Variants in NDUFA10 observed in about 807,000 individuals in gnomAD.
NDUFA10 encodes NADH dehydrogenase [ubiquinone] 1 alpha subcomplex subunit 10, mitochondrial.
NDUFA10 carries 40 observed loss-of-function variants against 47.8 expected under a neutral mutation model. That is an observed-to-expected ratio of 0.84 (90% CI 0.65 to 1.09). The LOEUF (loss-of-function observed/expected upper bound fraction) is 1.09. Ranked by LOEUF, NDUFA10 falls within the 50% of genes least tolerant of loss-of-function variation. NDUFA10 has a pLI of 0.00. For missense variants in NDUFA10, 413 were observed against 451.1 expected (o/e 0.92, Z 0.76); for synonymous variants, 183 against 172.2 (o/e 1.06, Z -0.49).
In NDUFA10 at chr2:240,022,201, T is replaced by A. The variant is rs863224080; in HGVS notation, c.215A>T (p.Lys72Ile). 2 of 1,613,930 alleles carry A rather than the reference T, an allele frequency of 1.2e-6. No individual in the cohort carries two copies. Among genetic ancestry groups the A allele is most frequent in the Non-Finnish European group, 1.7e-6 (2 of 1,179,796 alleles). Residue 72 changes from lysine to isoleucine, a missense_variant, in exon 2 of 10, where the codon AAA (lysine) becomes ATA (isoleucine). Coordinates refer to ENST00000252711, the MANE Select transcript of NDUFA10 (RefSeq NM_004544.4). ...VDGNICTGKGKLAKEIAEKLG... is the reference protein window; with the variant it reads ...VDGNICTGKGILAKEIAEKLG... ...TTTCTCTGCTATTTCTTTTGCAAGT[T>A]TGCCTTTTCCAGTACATATATTGCC...
Position 239,983,721 on chromosome 2 carries a change from G to A in NDUFA10, c.999+6353C>T, listed in dbSNP as rs1245555442. 5 of 1,562,288 alleles carry A rather than the reference G, an allele frequency of 3.2e-6. No homozygotes were observed. The East Asian group carries it at 1.2e-4, about 37-fold the overall frequency. On this transcript the variant is annotated intron_variant, in intron 9 of 9. Coordinates refer to ENST00000252711, the MANE Select transcript of NDUFA10 (RefSeq NM_004544.4). Reference sequence around the variant, plus strand: ...AACACACAGTCCAATCTAATCGCTAGAGAAACATCGGGCAACCCTCAACTG... The same window carrying A: ...AACACACAGTCCAATCTAATCGCTAAAGAAACATCGGGCAACCCTCAACTG...
chr2:239,959,279 C>A lies in NDUFA10; in HGVS notation c.*1839G>T, dbSNP rs1219409722. The stretch of plus-strand genomic sequence containing the variant: ...CATGGTTGGAGAGCTCTGCCCCTCA[C>A]AAGGGCAATCCTGACCACAGGGCAG... On this transcript the variant is annotated 3_prime_UTR_variant, in exon 10 of 10. Transcript: ENST00000252711. 5.2e-5 allele frequency: 51 copies of A among 985,358 alleles called. No homozygotes were observed. Among genetic ancestry groups the A allele is most frequent in the Non-Finnish European group, 5.9e-5 (49 of 829,960 alleles). 61.0% of individuals were successfully genotyped at this position (985,358 alleles called of 1,614,324 possible).
At chr2:239,962,837 G>T in intron 9 of NDUFA10, among the ~76,000 whole-genome samples, 1 of 152,148 alleles carries the variant, frequency 6.6e-6, no homozygotes, top group East Asian at 1.9e-4. Flanking sequence ...GCGGGTAGGG[G>T]GTGGGAGCTG....
chr2:239,902,551 T>C (rs1233392910), intron 4 of NDUFA10, among the ~76,000 whole-genome samples: 1 of 152,232 alleles, frequency 6.6e-6, no homozygotes, highest in Admixed American at 6.5e-5. Flanking sequence ...ACTTACTTTT[T>C]TGCAATATTC....
chr2:239,989,938 A>T (rs1463499686), intron 9 of NDUFA10, 136 bp downstream of exon 9: 1 of 721,448 alleles, frequency 1.4e-6, no homozygotes, highest in Non-Finnish European at 2.5e-6. Context: ...AATTATTTCA[A>T]TGAAAAAGAG....
At chr2:240,007,586 G>C (rs143923854) in intron 6 of NDUFA10, among the ~76,000 whole-genome samples, 35 of 152,294 alleles carry the variant, frequency 2.3e-4, no homozygotes, top group Admixed American at 2.0e-3. Context: ...GCTTGACAGT[G>C]ACAACAGCAG....
intron 9 of NDUFA10, among the ~76,000 whole-genome samples, chr2:239,967,879 T>C (rs4854067): frequency 0.58 from 87,819 of 151,958 alleles, 25,520 homozygotes; most frequent in Admixed American, 0.6. Context: ...CACAATGAGG[T>C]TTCTCCCAGG....
chr2:239,963,549 G>A (rs1190790523), intron 9 of NDUFA10, among the ~76,000 whole-genome samples: 2 of 152,228 alleles, frequency 1.3e-5, no homozygotes, highest in Admixed American at 1.3e-4. Flanking sequence ...AGGGCCTGAC[G>A]GGGTCAGGAA....
rs569938020 is a variant in NDUFA10, at chr2:239,981,701, A to G, written c.999+8373T>C. On this transcript the variant is annotated intron_variant, in intron 9 of 9. Coordinates refer to ENST00000252711, the MANE Select transcript of NDUFA10 (RefSeq NM_004544.4). ...TATCAACAAGGACAATACCCATCAT[A>G]AAACATGCATGCAACGTCCTGGGCA... Among the ~76,000 whole-genome samples the G allele has an allele frequency of 2.6e-5, 4 of 152,336 alleles. No individual in the cohort carries two copies. The South Asian group carries it at 8.3e-4, about 32-fold the overall frequency.
chr2:239,899,238 C>A (rs867752869), intron 4 of NDUFA10, among the ~76,000 whole-genome samples: 1 of 574 alleles, frequency 1.7e-3, no homozygotes, highest in African/African-American at 3.1e-3. Flanking sequence ...AGGGGTGTGA[C>A]GGAGGGGTGT....
chr2:239,932,167 T>C (rs1159992638), intron 4 of NDUFA10, among the ~76,000 whole-genome samples: 1 of 152,192 alleles, frequency 6.6e-6, no homozygotes, highest in Non-Finnish European at 1.5e-5. Context: ...ACATGGTTCC[T>C]TTTTCATGTT....
intron 4 of NDUFA10, among the ~76,000 whole-genome samples, chr2:239,905,426 C>T (rs73097737): frequency 0.025 from 3,845 of 152,296 alleles, 166 homozygotes; most frequent in African/African-American, 0.088. Context: ...AGATTTGCAC[C>T]GGGACTCTCG....
In NDUFA10 at chr2:239,924,369, C is replaced by T. The variant is rs184633825; in HGVS notation, c.295-29055G>A. On this transcript the variant is annotated intron_variant, in intron 4 of 5. Transcript: ENST00000419408. The stretch of plus-strand genomic sequence containing the variant: ...CCCCACAATCAAGTGGGTTTTATTG[C>T]AGGAATGCAAAGTAGGGTTCATTGA... Among the ~76,000 whole-genome samples the T allele has an allele frequency of 3.9e-5, 6 of 152,012 alleles. No individual in the cohort carries two copies. The East Asian group carries it at 1.2e-3, about 29-fold the overall frequency.
At chr2:240,018,403 T>G in intron 4 of NDUFA10, 150 bp downstream of exon 4, 1 of 1,548,822 alleles carries the variant, frequency 6.5e-7, no homozygotes, top group East Asian at 2.4e-5. Flanking sequence ...ACTTAGGAAG[T>G]TCCTTTTTCC....
At chr2:239,929,110 G>A (rs887648508) in intron 4 of NDUFA10, among the ~76,000 whole-genome samples, 3 of 152,164 alleles carry the variant, frequency 2.0e-5, no homozygotes, top group African/African-American at 7.2e-5. Flanking sequence ...TCTGGCTAAC[G>A]AGATCGTAAC....
intron 4 of NDUFA10, among the ~76,000 whole-genome samples, chr2:239,931,153 G>A (rs1233254764): frequency 2.0e-5 from 3 of 152,160 alleles, no homozygotes; most frequent in Admixed American, 6.5e-5. Flanking sequence ...CTTTCACCCT[G>A]GCCACAGGCA....
chr2:240,018,512 C>T (rs1182646126), intron 4 of NDUFA10, 41 bp downstream of exon 4: 10 of 1,614,054 alleles, frequency 6.2e-6, no homozygotes, highest in East Asian at 4.5e-5. Context: ...CTTGCAAAGT[C>T]GCACCACACA....
chr2:239,998,928 G>C (rs1696593118), intron 8 of NDUFA10, among the ~76,000 whole-genome samples: 1 of 152,182 alleles, frequency 6.6e-6, no homozygotes, highest in South Asian at 2.1e-4. Context: ...ATTCTGAACA[G>C]AGATAGGCAG....
At chr2:239,927,485 C>T (rs925986479) in intron 4 of NDUFA10, among the ~76,000 whole-genome samples, 3 of 152,176 alleles carry the variant, frequency 2.0e-5, no homozygotes, top group African/African-American at 7.2e-5. Context: ...CACGTTCACT[C>T]CCCACCCACT....
Sources: allele counts gnomAD v4.1 joint callset (sites outside exome capture counted in the v4.1 genomes callset), GRCh38; gene constraint gnomAD v4.1.1; transcripts MANE v1.5; gene names NCBI Gene and HGNC (gene_info 2026-07-23, HGNC 2026-07-21).